ITGA6: variants seen among roughly 807,000 people sequenced by gnomAD.
ITGA6 encodes the protein integrin subunit alpha 6.
ITGA6 carries 63 observed loss-of-function variants against 133.6 expected under a neutral mutation model. The observed-to-expected ratio is 0.47, with a 90% CI of 0.38 to 0.58. The LOEUF is 0.58. Among genes scored for constraint, ITGA6 ranks in the 20% least tolerant of loss-of-function variants. The pLI is 0.00. For missense variants in ITGA6, 1,068 were observed against 1,309.4 expected, an observed-to-expected ratio of 0.82 and a Z score of 2.85; for synonymous variants, 434 against 482.0, an observed-to-expected ratio of 0.90 and a Z score of 1.30.
intron 1 of ITGA6, among the ~76,000 whole-genome samples, chr2:172,446,029 C>T (rs1235283057): frequency 2.0e-5 from 3 of 152,224 alleles, no homozygotes; most frequent in African/African-American, 7.2e-5. Context: ...GGCCTTATGC[C>T]CAGCTAAAAA....
chr2:172,465,349 A>G (rs976216400), intron 1 of ITGA6, 190 bp from the exon 2 acceptor site: 1 of 681,962 alleles, frequency 1.5e-6, no homozygotes, highest in Admixed American at 2.2e-5. Context: ...TCCCCTGTTT[A>G]GTTGTGTTTG....
At chr2:172,470,394 T>G (rs1309935460) in intron 4 of ITGA6, among the ~76,000 whole-genome samples, 1 of 152,184 alleles carries the variant, frequency 6.6e-6, no homozygotes, top group Non-Finnish European at 1.5e-5. Context: ...ATCCACCAAT[T>G]ATGTATATTT....
In ITGA6 at chr2:172,469,384, T is replaced by G; in HGVS notation, c.643+4T>G. ...CCGGGTACTTATAACTGGAAAGGTA[T>G]GACCTTTGTATTTATAGAAATAGAG... On this transcript the variant is annotated splice_donor_region_variant and intron_variant, in intron 4 of 25. Transcript: ENST00000684293. The G allele has an allele frequency of 6.2e-7, 1 of 1,612,612 alleles. No homozygotes were observed. The highest frequency in any genetic ancestry group is 1.1e-5 in the South Asian group (1 of 91,044).
At chr2:172,453,564 G>A (rs572227842) in intron 1 of ITGA6, among the ~76,000 whole-genome samples, 17 of 152,246 alleles carry the variant, frequency 1.1e-4, no homozygotes, top group African/African-American at 3.6e-4. Context: ...GGTTTTTTGT[G>A]TTTGTTTTTA....
intron 23 of ITGA6, among the ~76,000 whole-genome samples, chr2:172,492,686 T>C (rs576363589): frequency 6.6e-5 from 10 of 152,248 alleles, no homozygotes; most frequent in African/African-American, 1.9e-4. Context: ...GCAGAATGAC[T>C]GCATGTCATG....
At chr2:172,464,623 T>C (rs753641153) in intron 1 of ITGA6, 3 of 152,320 alleles carry the variant, frequency 2.0e-5, no homozygotes, top group African/African-American at 4.8e-5. Flanking sequence ...AACAAGGTCA[T>C]TGGATCTCTA....
In ITGA6 at chr2:172,479,725, G is replaced by C; in HGVS notation, c.1473G>C (p.Ala491=). 1 of 1,613,536 alleles carries C rather than the reference G, an allele frequency of 6.2e-7. No individual in the cohort carries two copies. Among genetic ancestry groups the C allele is most frequent in the Non-Finnish European group, 8.5e-7 (1 of 1,179,774 alleles). Residue 491 remains alanine, a synonymous_variant, in exon 10 of 26, where the codon GCG becomes GCC. Coordinates refer to ENST00000684293, the MANE Select transcript of ITGA6 (RefSeq NM_000210.4). ...IDLRQKTACG[A]PSGICLQVKS... The stretch of plus-strand genomic sequence containing the variant: ...TCCGCCAGAAAACAGCGTGTGGGGC[G>C]CCTAGTGGGATATGGTGAGCATCCC...
At chr2:172,456,845 G>C (rs1685227970) in intron 1 of ITGA6, among the ~76,000 whole-genome samples, 1 of 152,112 alleles carries the variant, frequency 6.6e-6, no homozygotes, top group Admixed American at 6.5e-5. Flanking sequence ...TTACAAAATT[G>C]TTCTCTTATG....
chr2:172,441,505 A>G (rs555933514), intron 1 of ITGA6, among the ~76,000 whole-genome samples: 3 of 135,320 alleles, frequency 2.2e-5, no homozygotes, highest in African/African-American at 8.1e-5. Context: ...AGAGTGAGCT[A>G]TGATTGTGTC....
intron 1 of ITGA6, among the ~76,000 whole-genome samples, chr2:172,439,042 A>G (rs780314659): frequency 7.2e-5 from 11 of 151,894 alleles, no homozygotes; most frequent in Non-Finnish European, 1.0e-4. Flanking sequence ...TTAGGTGTGG[A>G]GAGAGCTCTT....
intron 1 of ITGA6, among the ~76,000 whole-genome samples, chr2:172,459,906 T>C (rs1254502650): frequency 6.6e-6 from 1 of 152,076 alleles, no homozygotes; most frequent in Admixed American, 6.6e-5. Context: ...CAAGATGAGA[T>C]CCTGATTTAA....
chr2:172,502,796 C>T (rs1396707730), intron 25 of ITGA6, among the ~76,000 whole-genome samples: 1 of 152,144 alleles, frequency 6.6e-6, no homozygotes, highest in Non-Finnish European at 1.5e-5. Flanking sequence ...TCACCATTTA[C>T]GTGGGCATGA....
intron 11 of ITGA6, among the ~76,000 whole-genome samples, chr2:172,481,653 C>T (rs1686445805): frequency 6.6e-6 from 1 of 152,158 alleles, no homozygotes; most frequent in African/African-American, 2.4e-5. Context: ...GTGGGGTCGT[C>T]TCCTGCTGTG....
intron 25 of ITGA6, 39 bp from the exon 26 acceptor site, chr2:172,504,052 A>C: frequency 6.7e-7 from 1 of 1,493,746 alleles, no homozygotes; most frequent in Non-Finnish European, 9.0e-7. Context: ...CTTCTTTGTG[A>C]GATTAATTTG....
chr2:172,427,997 C>A (rs548107179), intron 1 of ITGA6, 27 bp downstream of exon 1: 4 of 1,588,248 alleles, frequency 2.5e-6, no homozygotes, highest in East Asian at 2.4e-5. Context: ...TTCCCACCCC[C>A]ACTGGGGCGC....
chr2:172,459,322 G>A (rs903439207), intron 1 of ITGA6, among the ~76,000 whole-genome samples: 4 of 152,112 alleles, frequency 2.6e-5, no homozygotes, highest in African/African-American at 9.7e-5. Flanking sequence ...TGGTCAACAT[G>A]GCAAAACCCC....
At chr2:172,501,657 T>C in intron 24 of ITGA6, 115 bp from the exon 25 acceptor site, 1 of 918,454 alleles carries the variant, frequency 1.1e-6, no homozygotes, top group Non-Finnish European at 1.7e-6. Context: ...TGACTGAAAG[T>C]GGTCTGTTTG....
chr2:172,497,852 A>G (rs1344731006), intron 23 of ITGA6, 123 bp from the exon 24 acceptor site: 1 of 928,214 alleles, frequency 1.1e-6, no homozygotes, highest in African/African-American at 1.6e-5. Flanking sequence ...TCAGAAAGTC[A>G]TCTCATCCAT....
At chr2:172,436,820 G>C (rs536227405) in intron 1 of ITGA6, among the ~76,000 whole-genome samples, 1 of 152,298 alleles carries the variant, frequency 6.6e-6, no homozygotes, top group African/African-American at 2.4e-5. Flanking sequence ...CAAAATCCCT[G>C]CCTATGTTCT....
Sources: gnomAD v4.1 joint callset for allele counts (sites outside exome capture counted in the v4.1 genomes callset) on GRCh38, gnomAD v4.1.1 for gene constraint, MANE v1.5 for transcripts, NCBI Gene and HGNC (gene_info 2026-07-23, HGNC 2026-07-21) for gene names.